The following IL16 variants were observed in gnomAD, a reference collection of about 807,000 sequenced individuals.
The protein encoded by IL16 is pro-interleukin-16.
In IL16, 67 loss-of-function variants were observed where a neutral mutation model predicts 110.1. The ratio of observed to expected loss-of-function variants is 0.61; its 90% CI spans 0.50 to 0.75. The LOEUF is 0.75. Ranked by LOEUF, IL16 falls within the 30% of genes least tolerant of loss-of-function variation. IL16 has a pLI of 0.00. For missense variants in IL16, 1,545 were observed against 1,655.0 expected (o/e 0.93, Z 1.15); for synonymous variants, 689 against 662.9 (o/e 1.04, Z -0.61).
At chr15:81,194,984 G>A (rs1379519361), upstream of IL16, among the ~76,000 whole-genome samples, 1 of 152,122 alleles carries the variant, frequency 6.6e-6, no homozygotes, top group Non-Finnish European at 1.5e-5. Flanking sequence ...CTGGCTTGCA[G>A]TGAGCTGGAC....
At chr15:81,212,130 CT>C (rs143918836) in intron 1 of IL16, among the ~76,000 whole-genome samples, 38 of 145,772 alleles carry the variant, frequency 2.6e-4, no homozygotes, top group Admixed American at 4.8e-4. Flanking sequence ...TTGTCTAGGG[CT>C]TTTTTTTTTG....
intron 2 of IL16, among the ~76,000 whole-genome samples, chr15:81,252,613 C>T (rs1411564040): frequency 1.3e-5 from 2 of 152,102 alleles, no homozygotes; most frequent in Non-Finnish European, 2.9e-5. Flanking sequence ...AAAGAAACCT[C>T]CTGCCCATTA....
At chr15:81,295,609 T>A in intron 12 of IL16, 1 of 771,242 alleles carries the variant, frequency 1.3e-6, no homozygotes, top group Non-Finnish European at 1.9e-6. Flanking sequence ...TCTAATGCCA[T>A]GACTCAGCCT....
upstream of IL16, among the ~76,000 whole-genome samples, chr15:81,192,838 G>C (rs1798963580): frequency 1.3e-5 from 2 of 152,184 alleles, no homozygotes; most frequent in South Asian, 4.1e-4. Flanking sequence ...GAAGCGGAAA[G>C]AAAGTGGGAT....
At chr15:81,223,588 T>G (rs187204679) in intron 1 of IL16, among the ~76,000 whole-genome samples, 2 of 152,344 alleles carry the variant, frequency 1.3e-5, no homozygotes, top group East Asian at 1.9e-4. Context: ...TGCCTTAGTA[T>G]CTCTTCTGTA....
At chr15:81,270,816 C>CG (rs1011724285) in intron 5 of IL16, among the ~76,000 whole-genome samples, 5 of 152,028 alleles carry the variant, frequency 3.3e-5, no homozygotes, top group African/African-American at 1.2e-4. Flanking sequence ...TTTATGAGGC[C>CG]GGGGGGTGGA....
intron 2 of IL16, among the ~76,000 whole-genome samples, chr15:81,250,244 A>T (rs1897720351): frequency 1.3e-5 from 2 of 152,278 alleles, no homozygotes; most frequent in South Asian, 4.1e-4. Context: ...ATCTCGGCTC[A>T]CTGCAACCTC....
rs150584011 is a variant in IL16, at chr15:81,223,354, A to G, written c.-101-1945A>G. On this transcript the variant is annotated intron_variant, in intron 1 of 18. Transcript: ENST00000683961. ...GACAAGAGGAGGACATGGAGTTAAC[A>G]TATAGTGTTTGAAAGACAGAAAATG... is the stretch of plus-strand genomic sequence containing the variant. Among the ~76,000 whole-genome samples, 1,523 of 152,342 alleles carry G rather than the reference A, an allele frequency of 1.0e-2. 15 individuals are homozygous for G. Among genetic ancestry groups the G allele is most frequent in the Non-Finnish European group, 0.017 (1,180 of 68,028 alleles).
intron 4 of IL16, among the ~76,000 whole-genome samples, chr15:81,266,596 C>G (rs1265890337): frequency 6.6e-6 from 1 of 152,206 alleles, no homozygotes; most frequent in Non-Finnish European, 1.5e-5. Flanking sequence ...CACTTTTGGT[C>G]ACACAGCGCC....
rs1284249244 is a variant in IL16, at chr15:81,222,969, T to A, written c.-101-2330T>A. ...GATGGGGGCAGAGGAACATTCACAA[T>A]TTGCATTTGGAAGATGACATCTGGA... On this transcript the variant is annotated intron_variant, in intron 1 of 18. Coordinates refer to ENST00000683961, the MANE Select transcript of IL16 (RefSeq NM_172217.5). 2.0e-5 allele frequency among the ~76,000 whole-genome samples: 3 copies of A among 152,126 alleles called. No homozygotes were observed. In the East Asian group the frequency reaches 5.8e-4, roughly 29 times the overall value.
chr15:81,228,606 A>G (rs963718152), intron 2 of IL16, among the ~76,000 whole-genome samples: 7 of 152,150 alleles, frequency 4.6e-5, no homozygotes, highest in Admixed American at 3.3e-4. Context: ...GGAGTGAGCC[A>G]CCACACCCAG....
At chr15:81,251,411 C>T (rs1473116806) in intron 2 of IL16, among the ~76,000 whole-genome samples, 1 of 152,148 alleles carries the variant, frequency 6.6e-6, no homozygotes, top group Non-Finnish European at 1.5e-5. Context: ...AGCAATCCTC[C>T]AACCTTGGCT....
rs762908296 is a variant in IL16 at position 81,306,081 on chromosome 15, G to A, written c.3594G>A (p.Leu1198=). ...AAGCTGTGATTGTCACAAGGAAGCT[G>A]ACTCCAGAGGCCATGCCCGACCTCA... The part of the protein sequence containing the change: ...PRQAVIVTRK[L]TPEAMPDLNS... The change falls in exon 17 of 19, where the codon CTG becomes CTA. Residue 1198 remains leucine, a synonymous_variant. Coordinates refer to ENST00000683961, the MANE Select transcript of IL16 (RefSeq NM_172217.5). 5.0e-6 allele frequency: 8 copies of A among 1,614,182 alleles called. No homozygotes were observed. The South Asian group carries it at 8.8e-5, about 18-fold the overall frequency.
chr15:81,207,708 C>A (rs1896085355), intron 1 of IL16, among the ~76,000 whole-genome samples: 1 of 152,130 alleles, frequency 6.6e-6, no homozygotes, highest in South Asian at 2.1e-4. Context: ...TGATTTCATT[C>A]TATTTTATGG....
chr15:81,200,327 A>G (rs1217374500), intron 1 of IL16, among the ~76,000 whole-genome samples: 3 of 151,402 alleles, frequency 2.0e-5, no homozygotes, highest in African/African-American at 7.3e-5. Context: ...GTAAGTCAAG[A>G]TTTTTTTAAT....
At chr15:81,286,131 C>T (rs536879626) in intron 10 of IL16, among the ~76,000 whole-genome samples, 234 of 152,256 alleles carry the variant, frequency 1.5e-3, no homozygotes, top group African/African-American at 5.1e-3. Context: ...TTCATTTATG[C>T]GTCTAGTAGG....
intron 2 of IL16, among the ~76,000 whole-genome samples, chr15:81,236,912 C>G (rs1324639071): frequency 1.3e-5 from 2 of 152,144 alleles, no homozygotes; most frequent in Middle Eastern, 3.4e-3. Flanking sequence ...GAGCTGAGAT[C>G]GCAACCATTG....
At chr15:81,305,854 T>C in intron 16 of IL16, 54 bp from the exon 17 acceptor site, 1 of 1,589,732 alleles carries the variant, frequency 6.3e-7, no homozygotes, top group African/African-American at 1.3e-5. Context: ...CTCCAGCAAG[T>C]ATGTGGACTG....
Position 81,282,712 on chromosome 15 carries a change from C to A in IL16, c.1155C>A (p.His385Gln). 6.2e-7 allele frequency: 1 copy of A among 1,614,190 alleles called. No individual in the cohort carries two copies. Among genetic ancestry groups the A allele is most frequent in the Non-Finnish European group, 8.5e-7 (1 of 1,180,018 alleles). The change falls in exon 9 of 19, where the codon CAC (histidine) becomes CAA (glutamine). Residue 385 changes from histidine to glutamine, a missense_variant. Physicochemically the swap from His to Gln is conservative, Grantham distance 24 (BLOSUM62 0). Coordinates refer to ENST00000683961, the MANE Select transcript of IL16 (RefSeq NM_172217.5). ...YFQCISGIFVHTLSPGSVAHL... is the reference protein window; with the variant it reads ...YFQCISGIFVQTLSPGSVAHL... The stretch of plus-strand genomic sequence containing the variant: ...AATGCATCTCTGGCATTTTCGTCCA[C>A]ACGCTGTCACCAGGATCCGTGGCGC...
Sources: allele counts gnomAD v4.1 joint callset (sites outside exome capture counted in the v4.1 genomes callset), GRCh38; gene constraint gnomAD v4.1.1; transcripts MANE v1.5; gene names NCBI Gene and HGNC (gene_info 2026-07-23, HGNC 2026-07-21).